Variants in TEX9 observed in about 807,000 individuals in gnomAD.
TEX9 encodes testis expressed 9.
TEX9 carries 74 observed loss-of-function variants against 59.6 expected under a neutral mutation model. That is an observed-to-expected ratio of 1.24 (90% CI 1.03 to 1.51). TEX9 has a LOEUF of 1.51. Among genes scored for constraint, TEX9 ranks in the 40% most tolerant of loss-of-function variants. TEX9 has a pLI of 0.00. For synonymous variants in TEX9, 186 were observed against 152.2 expected, an observed-to-expected ratio of 1.22 and a Z score of -1.64; for missense variants, 522 against 447.8, an observed-to-expected ratio of 1.17 and a Z score of -1.49.
At chr15:56,249,243 A>G (rs1298122395) in intron 1 of TEX9, 2 of 152,160 alleles carry the variant, frequency 1.3e-5, no homozygotes, top group African/African-American at 4.8e-5. Flanking sequence ...TACTAGGCAG[A>G]AAGTTGTCTG....
intron 1 of TEX9, among the ~76,000 whole-genome samples, chr15:56,315,359 C>T (rs1378030221): frequency 6.8e-6 from 1 of 147,342 alleles, no homozygotes. Flanking sequence ...GTGACAAAAT[C>T]TCTCAGCATT....
intron 1 of TEX9, chr15:56,323,057 G>C (rs1029556824): frequency 5.7e-6 from 1 of 174,598 alleles, no homozygotes; most frequent in Admixed American, 5.5e-5. Context: ...ACTGGGGCAA[G>C]TGAGAGCTGG....
At chr15:56,342,892 G>A (rs1275312249) in intron 1 of TEX9, among the ~76,000 whole-genome samples, 1 of 152,130 alleles carries the variant, frequency 6.6e-6, no homozygotes, top group Non-Finnish European at 1.5e-5. Flanking sequence ...TCCAAACATT[G>A]TTAGCCAGAT....
chr15:56,272,938 AT>A lies in TEX9; in HGVS notation c.-107+28668del, dbSNP rs1376179172. On this transcript the variant is annotated intron_variant, in intron 1 of 5. Transcript: ENST00000560827. ...TCTTTATTTATTTATTTATTTATTTATTTTTTTTGTTGTTGTTGTTGTTGTT... is the reference window on the plus strand; with the variant it reads ...TCTTTATTTATTTATTTATTTATTTATTTTTTTGTTGTTGTTGTTGTTGTT... Among the ~76,000 whole-genome samples the A allele has an allele frequency of 6.5e-3, 896 of 137,120 alleles. 15 individuals are homozygous for A. The highest frequency in any genetic ancestry group is 0.035 in the South Asian group (135 of 3,882). The allele number at this position is 137,120 out of a possible 152,430, so 90.0% of individuals were successfully genotyped here. A position where few individuals can be genotyped will look rare whatever the true frequency, so the allele number is the denominator to read the frequency against.
intron 4 of TEX9, among the ~76,000 whole-genome samples, chr15:56,387,849 A>C (rs2048030408): frequency 6.6e-6 from 1 of 151,980 alleles, no homozygotes; most frequent in African/African-American, 2.4e-5. Context: ...CCTGTGGGCC[A>C]TAGTTTGCAG....
intron 1 of TEX9, among the ~76,000 whole-genome samples, chr15:56,340,536 G>A (rs1199308151): frequency 1.3e-5 from 2 of 152,006 alleles, no homozygotes; most frequent in Non-Finnish European, 2.9e-5. Context: ...ATCCATCTCT[G>A]CTTATGAGAA....
chr15:56,383,208 C>A (rs1206101873), intron 3 of TEX9, among the ~76,000 whole-genome samples: 2 of 152,212 alleles, frequency 1.3e-5, no homozygotes, highest in Non-Finnish European at 2.9e-5. Context: ...GTCGCCCAGT[C>A]ACTGTGCTGT....
intron 12 of TEX9, chr15:56,429,343 T>G: frequency 1.7e-6 from 1 of 574,280 alleles, no homozygotes. Flanking sequence ...AAATCAATAC[T>G]TTTCAAAAAA....
chr15:56,290,913 TC>T (rs2045075256), intron 1 of TEX9, among the ~76,000 whole-genome samples: 1 of 152,172 alleles, frequency 6.6e-6, no homozygotes, highest in Non-Finnish European at 1.5e-5. Context: ...AAGGCCTTTA[TC>T]TTCTACTCTG....
intron 1 of TEX9, among the ~76,000 whole-genome samples, chr15:56,307,393 C>A (rs759136496): frequency 3.9e-5 from 6 of 152,194 alleles, no homozygotes; most frequent in Non-Finnish European, 5.9e-5. Flanking sequence ...TTCCAATTTC[C>A]CTCACTGGCA....
rs542716068 is a variant in TEX9, at chr15:56,310,324, T to A, written c.-106-63117T>A. ...GTGCATGCCTGTAATCCCAGCTATT[T>A]GGGAGGCTGAGGCATGAGAATCACT... On this transcript the variant is annotated intron_variant, in intron 1 of 5. Transcript: ENST00000560827. 2.0e-5 allele frequency among the ~76,000 whole-genome samples: 3 copies of A among 152,200 alleles called. No individual in the cohort carries two copies. The South Asian group carries it at 6.2e-4, about 32-fold the overall frequency.
intron 10 of TEX9, 91 bp from the exon 11 acceptor site, chr15:56,427,514 T>C: frequency 1.2e-6 from 1 of 859,854 alleles, no homozygotes; most frequent in Non-Finnish European, 1.6e-6. Context: ...TTTAAGAAAG[T>C]ACTTTTTATT....
intron 4 of TEX9, among the ~76,000 whole-genome samples, chr15:56,384,643 T>C (rs1411835610): frequency 2.0e-5 from 3 of 152,168 alleles, no homozygotes; most frequent in Non-Finnish European, 2.9e-5. Flanking sequence ...GAATGCTGCA[T>C]AACAAAAATT....
intron 1 of TEX9, among the ~76,000 whole-genome samples, chr15:56,329,933 A>G (rs553509822): frequency 9.2e-5 from 14 of 152,104 alleles, no homozygotes; most frequent in Non-Finnish European, 1.8e-4. Context: ...GTTATAGAAC[A>G]CCAAGCAGAT....
chr15:56,269,058 G>T (rs2044459854), intron 1 of TEX9, among the ~76,000 whole-genome samples: 1 of 152,076 alleles, frequency 6.6e-6, no homozygotes, highest in African/African-American at 2.4e-5. Flanking sequence ...TCTTGGGAGG[G>T]TGTGTGTGTC....
intron 2 of TEX9, among the ~76,000 whole-genome samples, chr15:56,372,741 T>C (rs2047248291): frequency 6.6e-6 from 1 of 152,152 alleles, no homozygotes; most frequent in African/African-American, 2.4e-5. Context: ...GTGGTAGGAT[T>C]ATGGGCAGTT....
downstream of TEX9, chr15:56,446,842 A>G (rs1323301584): frequency 1.9e-6 from 3 of 1,595,804 alleles, no homozygotes; most frequent in East Asian, 2.2e-5. Context: ...CATGATTACC[A>G]TTTGTTCATA....
intron 10 of TEX9, among the ~76,000 whole-genome samples, chr15:56,413,712 C>T (rs1316574846): frequency 6.6e-6 from 1 of 151,544 alleles, no homozygotes; most frequent in African/African-American, 2.4e-5. Flanking sequence ...ATAATTAAAA[C>T]AATATTTAAT....
At chr15:56,313,222 C>T (rs1596081407) in intron 1 of TEX9, among the ~76,000 whole-genome samples, 5 of 140,654 alleles carry the variant, frequency 3.6e-5, no homozygotes, top group Admixed American at 7.3e-5. Flanking sequence ...CTGTCTTGTG[C>T]CAGTTTTCAA....
Sources: allele counts gnomAD v4.1 joint callset (sites outside exome capture counted in the v4.1 genomes callset), GRCh38; gene constraint gnomAD v4.1.1; transcripts MANE v1.5; gene names NCBI Gene and HGNC (gene_info 2026-07-23, HGNC 2026-07-21).